AUTS2: variants seen among roughly 807,000 people sequenced by gnomAD.
AUTS2 encodes activator of transcription and developmental regulator AUTS2, also known as autism susceptibility gene 2 protein.
Under a neutral mutation model 112.4 loss-of-function variants are expected in AUTS2, and 17 were observed. The ratio of observed to expected loss-of-function variants is 0.15; its 90% confidence interval spans 0.10 to 0.23. AUTS2 has a LOEUF of 0.23. Ranked by LOEUF, AUTS2 falls within the 10% of genes least tolerant of loss-of-function variation. The pLI is 1.00. For missense variants in AUTS2, 1,510 were observed against 1,701.6 expected, an observed-to-expected ratio of 0.89 and a Z score of 1.98; for synonymous variants, 751 against 702.7, an observed-to-expected ratio of 1.07 and a Z score of -1.09.
chr7:70,557,254 C>G (rs1032613828), intron 5 of AUTS2, among the ~76,000 whole-genome samples: 1 of 152,152 alleles, frequency 6.6e-6, no homozygotes, highest in Non-Finnish European at 1.5e-5. Context: ...GTTCTTTTCC[C>G]TGCTGGCTAG....
intron 4 of AUTS2, among the ~76,000 whole-genome samples, chr7:70,389,045 C>G (rs1793735424): frequency 6.6e-6 from 1 of 152,140 alleles, no homozygotes. Context: ...TGGAAAGAGC[C>G]TCCCAAAAAG....
intron 6 of AUTS2, among the ~76,000 whole-genome samples, chr7:70,707,341 T>C (rs1412163859): frequency 6.6e-6 from 1 of 152,214 alleles, no homozygotes; most frequent in Admixed American, 6.5e-5. Flanking sequence ...GTGAGTAAAC[T>C]GAGGCTCAGA....
intron 1 of AUTS2, among the ~76,000 whole-genome samples, chr7:69,665,200 A>T (rs1377320138): frequency 6.6e-6 from 1 of 152,218 alleles, no homozygotes; most frequent in Non-Finnish European, 1.5e-5. Context: ...AAAGATGGGG[A>T]TGTCTTTCCT....
chr7:70,786,277 T>G (rs1274937006), intron 17 of AUTS2, among the ~76,000 whole-genome samples: 4 of 152,218 alleles, frequency 2.6e-5, no homozygotes, highest in African/African-American at 9.7e-5. Context: ...GTGTAGTTGA[T>G]GACCACAGAA....
At chr7:70,662,922 A>G (rs1263304849) in intron 5 of AUTS2, among the ~76,000 whole-genome samples, 1 of 152,208 alleles carries the variant, frequency 6.6e-6, no homozygotes, top group Non-Finnish European at 1.5e-5. Context: ...GTTGTGGAAG[A>G]AAAGATACCT....
chr7:69,962,708 A>G (rs1016121893), intron 2 of AUTS2, among the ~76,000 whole-genome samples: 6 of 151,626 alleles, frequency 4.0e-5, no homozygotes, highest in African/African-American at 9.7e-5. Context: ...GCATGCATGT[A>G]TGTGTATGTG....
At chr7:70,722,954 C>G (rs1045054303) in intron 6 of AUTS2, among the ~76,000 whole-genome samples, 8 of 152,200 alleles carry the variant, frequency 5.3e-5, no homozygotes, top group African/African-American at 1.9e-4. Flanking sequence ...AAACTAACTT[C>G]ACTGCAGTTT....
intron 2 of AUTS2, among the ~76,000 whole-genome samples, chr7:69,905,279 G>A (rs1008135243): frequency 6.6e-6 from 1 of 152,280 alleles, no homozygotes; most frequent in Non-Finnish European, 1.5e-5. Flanking sequence ...AGTAAAAATT[G>A]ACTATGAAAA....
intron 1 of AUTS2, among the ~76,000 whole-genome samples, chr7:69,884,104 A>C (rs1357529895): frequency 6.6e-6 from 1 of 152,202 alleles, no homozygotes; most frequent in Non-Finnish European, 1.5e-5. Context: ...GAAATTGTTT[A>C]AAGTGTGTCA....
intron 5 of AUTS2, among the ~76,000 whole-genome samples, chr7:70,575,755 C>G (rs1427429676): frequency 6.6e-6 from 1 of 152,114 alleles, no homozygotes; most frequent in East Asian, 1.9e-4. Flanking sequence ...ATCCTTATAC[C>G]CATTAGGAGC....
intron 2 of AUTS2, among the ~76,000 whole-genome samples, chr7:69,972,922 A>G (rs557047009): frequency 6.6e-6 from 1 of 152,278 alleles, no homozygotes; most frequent in East Asian, 1.9e-4. Flanking sequence ...TGCTTAAGAT[A>G]AAATAGTACC....
chr7:69,970,845 T>C (rs1208320135), intron 2 of AUTS2, among the ~76,000 whole-genome samples: 1 of 152,186 alleles, frequency 6.6e-6, no homozygotes, highest in Non-Finnish European at 1.5e-5. Context: ...TTTTTGATTT[T>C]GATTTTTCTA....
At chr7:69,857,016 TTTC>T (rs1340126252) in intron 1 of AUTS2, among the ~76,000 whole-genome samples, 1 of 152,182 alleles carries the variant, frequency 6.6e-6, no homozygotes, top group Non-Finnish European at 1.5e-5. Flanking sequence ...GCAGAAGCTA[TTTC>T]TTTTTATTTT....
At chr7:69,809,135 C>T (rs987268507) in intron 1 of AUTS2, among the ~76,000 whole-genome samples, 1 of 151,896 alleles carries the variant, frequency 6.6e-6, no homozygotes, top group Non-Finnish European at 1.5e-5. Context: ...AGTACAGTGG[C>T]GCGATCTCGG....
chr7:70,042,458 G>C (rs149772498), intron 2 of AUTS2, among the ~76,000 whole-genome samples: 1 of 152,214 alleles, frequency 6.6e-6, no homozygotes, highest in South Asian at 2.1e-4. Context: ...GGAAAACTTA[G>C]TAATACTGTT....
chr7:70,781,770 TGGGTG>T lies in AUTS2; in HGVS notation c.2146+18_2146+22del, dbSNP rs745893003. The T allele has an allele frequency of 6.2e-7, 1 of 1,613,126 alleles. No individual in the cohort carries two copies. The highest frequency in any genetic ancestry group is 1.3e-5 in the African/African-American group (1 of 74,982). ...TCTCTGCCGCTGGTGAGTGTGGGTT[TGGGTG>T]GGGGGACAGAGCTGAGAAATGTAGT... On this transcript the variant is annotated intron_variant, in intron 15 of 18. Coordinates refer to ENST00000342771, the MANE Select transcript of AUTS2 (RefSeq NM_015570.4).
At chr7:69,768,488 A>G (rs554368400) in intron 1 of AUTS2, among the ~76,000 whole-genome samples, 151 of 152,326 alleles carry the variant, frequency 9.9e-4, no homozygotes, top group Non-Finnish European at 1.8e-3. Context: ...CATGTGGTTA[A>G]TAAATTAATG....
rs549986125 is a variant in AUTS2, at chr7:70,269,773, AAACCAAACTCTTT to A, written c.660+135203_660+135215del. ...CACCTCTCTCATAGCCCATAACAGC[AAACCAAACTCTTT>A]GGCTCTTGGTAGATATATTATTCTT... On this transcript the variant is annotated intron_variant, in intron 4 of 18. Transcript: ENST00000342771. Among the ~76,000 whole-genome samples, 194 of 152,330 alleles carry A rather than the reference AAACCAAACTCTTT, an allele frequency of 1.3e-3. 2 individuals carry two copies. The South Asian group carries it at 0.017, about 13-fold the overall frequency.
At chr7:70,248,977 T>C (rs560899107) in intron 4 of AUTS2, among the ~76,000 whole-genome samples, 6 of 152,350 alleles carry the variant, frequency 3.9e-5, no homozygotes, top group Admixed American at 3.9e-4. Flanking sequence ...ACTTTTATTC[T>C]AGATAAATTA....
Sources: gnomAD v4.1 joint callset for allele counts (sites outside exome capture counted in the v4.1 genomes callset) on GRCh38, gnomAD v4.1.1 for gene constraint, MANE v1.5 for transcripts, NCBI Gene and HGNC (gene_info 2026-07-23, HGNC 2026-07-21) for gene names.